DPP10: variants seen among roughly 807,000 people sequenced by gnomAD.
DPP10 encodes dipeptidyl peptidase like 10.
Under a neutral mutation model 120.9 loss-of-function variants are expected in DPP10, and 33 were observed. The observed-to-expected ratio is 0.27, with a 90% CI of 0.21 to 0.37. The LOEUF (loss-of-function observed/expected upper bound fraction) is 0.37. Ranked by LOEUF, DPP10 falls within the 10% of genes least tolerant of loss-of-function variation. The probability of loss-of-function intolerance (pLI) is 1.00; values close to 1 mark genes in which losing one functional copy is unlikely to be tolerated. For synonymous variants in DPP10, 337 were observed against 326.1 expected, an observed-to-expected ratio of 1.03 and a Z score of -0.36; for missense variants, 816 against 942.8, an observed-to-expected ratio of 0.87 and a Z score of 1.76.
chr2:115,728,398 C>T (rs1249254965), intron 8 of DPP10, among the ~76,000 whole-genome samples: 2 of 151,762 alleles, frequency 1.3e-5, no homozygotes, highest in Admixed American at 6.6e-5. Context: ...ATAAAACCCA[C>T]ATAAAGAGTT....
intron 1 of DPP10, among the ~76,000 whole-genome samples, chr2:115,176,964 T>C (rs1240571147): frequency 2.0e-5 from 3 of 152,186 alleles, no homozygotes; most frequent in Non-Finnish European, 2.9e-5. Flanking sequence ...AAATGGAGTT[T>C]ACTTTGAAAA....
chr2:114,714,010 A>G (rs1469913662), intron 1 of DPP10, among the ~76,000 whole-genome samples: 1 of 151,212 alleles, frequency 6.6e-6, no homozygotes, highest in Admixed American at 6.6e-5. Context: ...AAATAAAATA[A>G]TAAATAAATA....
chr2:114,728,485 G>A (rs1676568594), intron 1 of DPP10, among the ~76,000 whole-genome samples: 1 of 152,166 alleles, frequency 6.6e-6, no homozygotes, highest in South Asian at 2.1e-4. Context: ...AATCCTAGGT[G>A]ACAGGAGTAG....
At chr2:115,518,432 A>T (rs1463018636) in intron 4 of DPP10, among the ~76,000 whole-genome samples, 1 of 152,138 alleles carries the variant, frequency 6.6e-6, no homozygotes. Context: ...TGTCAAGAAG[A>T]TTTAGTCTTT....
intron 5 of DPP10, among the ~76,000 whole-genome samples, chr2:115,603,562 TTTTTTTTG>T (rs1230242555): frequency 9.9e-4 from 93 of 93,874 alleles, no homozygotes; most frequent in African/African-American, 7.0e-3. Flanking sequence ...TTGTTGTTGT[TTTTTTTTG>T]TTTTTTTTTT....
chr2:114,714,071 T>G (rs953364006), intron 1 of DPP10, among the ~76,000 whole-genome samples: 9 of 147,338 alleles, frequency 6.1e-5, no homozygotes, highest in East Asian at 4.0e-4. Flanking sequence ...GGATTTGTGT[T>G]TGTGTGTGTG....
At chr2:115,552,492 G>T (rs1900748) in intron 5 of DPP10, among the ~76,000 whole-genome samples, 1,740 of 152,212 alleles carry the variant, frequency 0.011, 34 homozygotes, top group African/African-American at 0.039. Flanking sequence ...AAATGAGGCT[G>T]CTGAGCTGTT....
intron 7 of DPP10, among the ~76,000 whole-genome samples, chr2:115,698,130 A>G (rs1414530806): frequency 6.6e-6 from 1 of 152,150 alleles, no homozygotes; most frequent in Non-Finnish European, 1.5e-5. Flanking sequence ...GCCACCTATT[A>G]AGTCTCAATA....
intron 5 of DPP10, among the ~76,000 whole-genome samples, chr2:115,632,958 T>C (rs1232426698): frequency 3.3e-5 from 5 of 152,130 alleles, no homozygotes; most frequent in Non-Finnish European, 7.3e-5. Context: ...TGTGGAGAAA[T>C]AGGAACACTT....
intron 1 of DPP10, among the ~76,000 whole-genome samples, chr2:115,063,100 G>T (rs12994895): frequency 0.25 from 37,729 of 152,040 alleles, 5,413 homozygotes; most frequent in East Asian, 0.32. Flanking sequence ...TTGTGAGATG[G>T]TATCTCACTG....
intron 1 of DPP10, among the ~76,000 whole-genome samples, chr2:114,671,827 A>G (rs1698362638): frequency 6.6e-6 from 1 of 152,030 alleles, no homozygotes. Flanking sequence ...TGTTTCTGTT[A>G]TTTAAAAAAA....
At chr2:114,646,318 C>G (rs2105458419) in intron 1 of DPP10, among the ~76,000 whole-genome samples, 1 of 152,122 alleles carries the variant, frequency 6.6e-6, no homozygotes, top group East Asian at 1.9e-4. Flanking sequence ...TCCTCCCTTC[C>G]CACCATGAGA....
At chr2:115,397,334 G>T (rs1006418772) in intron 3 of DPP10, among the ~76,000 whole-genome samples, 1 of 152,088 alleles carries the variant, frequency 6.6e-6, no homozygotes, top group Non-Finnish European at 1.5e-5. Context: ...ATATTTATTT[G>T]CATCTTACTG....
chr2:115,258,075 TTC>T (rs1333273483), intron 1 of DPP10, among the ~76,000 whole-genome samples: 1 of 152,206 alleles, frequency 6.6e-6, no homozygotes, highest in South Asian at 2.1e-4. Flanking sequence ...GTGAAAATAT[TTC>T]TGTTTAAAAG....
intron 1 of DPP10, among the ~76,000 whole-genome samples, chr2:114,878,244 G>A (rs542224940): frequency 6.6e-6 from 1 of 152,082 alleles, no homozygotes; most frequent in East Asian, 1.9e-4. Flanking sequence ...TCTCCTCTTA[G>A]ACACAATCTA....
chr2:115,441,495 C>CT (rs1398670468), intron 3 of DPP10, among the ~76,000 whole-genome samples: 7 of 152,292 alleles, frequency 4.6e-5, no homozygotes, highest in Non-Finnish European at 8.8e-5. Context: ...TTCTGGGAAT[C>CT]TTTCCTACTT....
At chr2:114,443,548 C>T (rs942160621) in intron 1 of DPP10, among the ~76,000 whole-genome samples, 2 of 151,898 alleles carry the variant, frequency 1.3e-5, no homozygotes, top group Admixed American at 6.6e-5. Flanking sequence ...TGTTTTTATT[C>T]GGGATGCTCT....
chr2:114,749,211 A>C (rs1047868777), intron 1 of DPP10, among the ~76,000 whole-genome samples: 1 of 149,310 alleles, frequency 6.7e-6, no homozygotes. Context: ...TCTTTTGAGA[A>C]GTGTCTGTTC....
intron 1 of DPP10, among the ~76,000 whole-genome samples, chr2:115,012,585 A>G (rs776010695): frequency 1.3e-5 from 2 of 152,190 alleles, no homozygotes; most frequent in Non-Finnish European, 2.9e-5. Context: ...AAAAGCAAAA[A>G]GTATCACTAT....
Sources: allele counts gnomAD v4.1 joint callset (sites outside exome capture counted in the v4.1 genomes callset), GRCh38; gene constraint gnomAD v4.1.1; transcripts MANE v1.5; gene names NCBI Gene and HGNC (gene_info 2026-07-23, HGNC 2026-07-21).